Variants in ZMYM4 observed in about 807,000 individuals in gnomAD.
ZMYM4 encodes the protein zinc finger MYM-type protein 4.
Under a neutral mutation model 183.2 loss-of-function variants are expected in ZMYM4, and 31 were observed. The ratio of observed to expected loss-of-function variants is 0.17; its 90% CI spans 0.13 to 0.23. The LOEUF (loss-of-function observed/expected upper bound fraction) is 0.23. ZMYM4 is among the 10% of genes least tolerant of loss of function. The pLI, the probability that ZMYM4 is intolerant of heterozygous loss-of-function variation, is 1.00. For synonymous variants in ZMYM4, 592 were observed against 631.2 expected (o/e 0.94, Z 0.93); for missense variants, 1,273 against 1,840.3 (o/e 0.69, Z 5.64).
intron 1 of ZMYM4, among the ~76,000 whole-genome samples, chr1:35,282,358 C>T (rs911454024): frequency 2.0e-5 from 3 of 152,220 alleles, no homozygotes; most frequent in Admixed American, 6.5e-5. Flanking sequence ...ACATAGCCCT[C>T]ACCAAAAGCT....
chr1:35,389,820 TAAAGAC>T lies in ZMYM4; in HGVS notation c.2437-124_2437-119del, dbSNP rs1395652880. On this transcript the variant is annotated intron_variant, in intron 14 of 29. Transcript: ENST00000314607. The surrounding 1 kb of genome is among the most constrained non-coding windows in gnomAD (Gnocchi z 4.0). ...GTGTGTGTGTGTGTATAATCATTGA[TAAAGAC>T]AAACTAATTTTTTGATCTAAATTCT... 12 of 787,432 alleles carry T rather than the reference TAAAGAC, an allele frequency of 1.5e-5. No individual in the cohort carries two copies. The Admixed American group carries it at 2.6e-4, about 17-fold the overall frequency. 48.8% of individuals were successfully genotyped at this position (787,432 alleles called of 1,614,324 possible).
At chr1:35,362,635 T>C (rs1222722309) in intron 5 of ZMYM4, among the ~76,000 whole-genome samples, 1 of 152,202 alleles carries the variant, frequency 6.6e-6, no homozygotes, top group East Asian at 1.9e-4. Context: ...TCTTTCTGTT[T>C]ATATTAGAAG....
In ZMYM4 at chr1:35,363,913, A is replaced by G. The variant is rs112117298; in HGVS notation, c.840+2124A>G. On this transcript the variant is annotated intron_variant, in intron 5 of 29. Coordinates refer to ENST00000314607, the MANE Select transcript of ZMYM4 (RefSeq NM_005095.3). ...GTGGGCATGCTGGCAGGGTACCAAA[A>G]TCATCTCTTTCTTTTGTACTTGAAC... 9.2e-5 allele frequency among the ~76,000 whole-genome samples: 14 copies of G among 152,188 alleles called. 2 individuals carry two copies. The highest frequency in any genetic ancestry group is 2.6e-4 in the African/African-American group (11 of 41,512).
chr1:35,362,688 T>A (rs1643966269), intron 5 of ZMYM4, among the ~76,000 whole-genome samples: 1 of 152,128 alleles, frequency 6.6e-6, no homozygotes, highest in Non-Finnish European at 1.5e-5. Flanking sequence ...TTCTTTTTCT[T>A]TTCTTTCTTT....
Position 35,276,244 on chromosome 1 carries a change from GTCCC to G in ZMYM4, c.39+7175_39+7178del, listed in dbSNP as rs879286193. Among the ~76,000 whole-genome samples the G allele has an allele frequency of 1.4e-3, 209 of 147,876 alleles. 3 individuals are homozygous for G. The highest frequency in any genetic ancestry group is 4.0e-3 in the African/African-American group (160 of 40,028). ...CTGTCTCATCTAACTACTCATTTCT[GTCCC>G]TCCCTCCCTCCCTCCTTCCCTCCCT... On this transcript the variant is annotated intron_variant, in intron 1 of 29. Coordinates refer to ENST00000314607, the MANE Select transcript of ZMYM4 (RefSeq NM_005095.3).
At chr1:35,320,150 T>G (rs1221387683) in intron 1 of ZMYM4, among the ~76,000 whole-genome samples, 2 of 152,202 alleles carry the variant, frequency 1.3e-5, no homozygotes, top group Non-Finnish European at 2.9e-5. Flanking sequence ...GTGTGGATTG[T>G]GTACTAATGA....
chr1:35,303,494 C>T lies in ZMYM4; in HGVS notation c.40-21866C>T, dbSNP rs574083512. 1.1e-4 allele frequency among the ~76,000 whole-genome samples: 16 copies of T among 152,140 alleles called. No individual in the cohort carries two copies. In the South Asian group the frequency reaches 2.3e-3, roughly 22 times the overall value. On this transcript the variant is annotated intron_variant, in intron 1 of 29. Coordinates refer to ENST00000314607, the MANE Select transcript of ZMYM4 (RefSeq NM_005095.3). The stretch of plus-strand genomic sequence containing the variant: ...AATATCGGCTCACTGCAACCTCCGC[C>T]GTCTGGGTTCAAGCGATTCTCCTGC...
chr1:35,400,871 G>A (rs994789568), intron 23 of ZMYM4, among the ~76,000 whole-genome samples: 5 of 152,196 alleles, frequency 3.3e-5, no homozygotes, highest in African/African-American at 7.2e-5. Context: ...ATAATATGTA[G>A]TCTTCTGTGT....
At chr1:35,358,772 C>G in intron 2 of ZMYM4, 153 bp from the exon 3 acceptor site, 1 of 645,536 alleles carries the variant, frequency 1.5e-6, no homozygotes, top group Non-Finnish European at 2.5e-6. Context: ...ATAGTTATAT[C>G]TGTCACACCT....
intron 16 of ZMYM4, 70 bp downstream of exon 16, chr1:35,392,422 C>A: frequency 1.3e-6 from 2 of 1,537,676 alleles, no homozygotes; most frequent in South Asian, 1.2e-5. Flanking sequence ...AACTTCCTTT[C>A]ATCAGGGATT....
rs557246067 is a variant in ZMYM4, at chr1:35,293,193, C to T, written c.39+24108C>T. On this transcript the variant is annotated intron_variant, in intron 1 of 29. Transcript: ENST00000314607. ...TTTTTTTTTCTATTTGTTGTAGAGA[C>T]AGGGTCTTCCTATGTTACTTAGGCT... 4.6e-5 allele frequency among the ~76,000 whole-genome samples: 7 copies of T among 151,744 alleles called. No individual in the cohort carries two copies. The South Asian group carries it at 1.5e-3, about 32-fold the overall frequency.
At chr1:35,278,624 A>G (rs1333595288) in intron 1 of ZMYM4, among the ~76,000 whole-genome samples, 1 of 151,876 alleles carries the variant, frequency 6.6e-6, no homozygotes, top group Non-Finnish European at 1.5e-5. Flanking sequence ...ACGGGGTTTC[A>G]CTATGTTAGG....
At position 35,419,757 on chromosome 1, in the gene ZMYM4, ATAAGTC is replaced by A. The variant is rs1244130677; in HGVS notation, c.*87_*92del. On this transcript the variant is annotated 3_prime_UTR_variant, in exon 30 of 30. Transcript: ENST00000314607. The stretch of plus-strand genomic sequence containing the variant: ...GCATCCAGCTGTTGGAAAATGATGT[ATAAGTC>A]TAAGTCCTCTTGACTTGACCATAAG... The A allele has an allele frequency of 6.3e-6, 9 of 1,438,480 alleles. No homozygotes were observed. Among genetic ancestry groups the A allele is most frequent in the Non-Finnish European group, 8.7e-6 (9 of 1,039,244 alleles). The allele number at this position is 1,438,480 out of a possible 1,614,324, so 89.1% of individuals were successfully genotyped here. A position where few individuals can be genotyped will look rare whatever the true frequency, so the allele number is the denominator to read the frequency against.
intron 1 of ZMYM4, among the ~76,000 whole-genome samples, chr1:35,323,661 T>G (rs918609348): frequency 1.3e-5 from 2 of 152,034 alleles, no homozygotes; most frequent in African/African-American, 4.8e-5. Context: ...CTCCTCATTC[T>G]CCTGCCTCAG....
Position 35,396,602 on chromosome 1 carries a change from G to A in ZMYM4, c.2962G>A (p.Val988Met), listed in dbSNP as rs1558164909. 9.9e-6 allele frequency: 16 copies of A among 1,613,864 alleles called. No homozygotes were observed. The highest frequency in any genetic ancestry group is 1.3e-5 in the African/African-American group (1 of 75,024). The change falls in exon 19 of 30, where the codon GTG becomes ATG. Residue 988 changes from valine to methionine, a missense_variant. Physicochemically the swap from Val to Met is conservative, Grantham distance 21. Around this residue, in one of 6 missense-constraint regions of ZMYM4, gnomAD observed 290 missense variants for 353.3 expected, o/e 0.82. Transcript: ENST00000314607. Reference sequence around the variant, plus strand: ...TATTGTGGTGCCAGTTCCCGTACCAGTGTTTGTTCCCATACCTCTTCACCT... The same window carrying A: ...TATTGTGGTGCCAGTTCCCGTACCAATGTTTGTTCCCATACCTCTTCACCT... Reference protein sequence around the residue: ...QIIVVPVPVPVFVPIPLHLYT... With the variant: ...QIIVVPVPVPMFVPIPLHLYT...
At chr1:35,350,428 A>G (rs1194319121) in intron 2 of ZMYM4, among the ~76,000 whole-genome samples, 1 of 152,094 alleles carries the variant, frequency 6.6e-6, no homozygotes, top group East Asian at 1.9e-4. Flanking sequence ...AGCTGGGATT[A>G]AAGGCATGTG....
chr1:35,355,168 G>A (rs904660043), intron 2 of ZMYM4, among the ~76,000 whole-genome samples: 11 of 150,592 alleles, frequency 7.3e-5, no homozygotes, highest in African/African-American at 2.7e-4. Context: ...CGAGTAGCTG[G>A]GACTACAGGT....
chr1:35,318,043 G>A (rs1642124117), intron 1 of ZMYM4, among the ~76,000 whole-genome samples: 2 of 151,256 alleles, frequency 1.3e-5, no homozygotes, highest in African/African-American at 4.9e-5. Flanking sequence ...AATTTAGAAG[G>A]GATTATGGCA....
chr1:35,326,852 G>A (rs1478594123), intron 2 of ZMYM4, among the ~76,000 whole-genome samples: 2 of 152,112 alleles, frequency 1.3e-5, no homozygotes, highest in African/African-American at 4.8e-5. Flanking sequence ...CCCTGGCTTG[G>A]AGTCATTTTT....
Sources: gnomAD v4.1 joint callset for allele counts (sites outside exome capture counted in the v4.1 genomes callset) on GRCh38, gnomAD v4.1.1 for gene constraint, gnomAD v4.1.1 regional missense constraint, Gnocchi (gnomAD v3.1) non-coding constraint, MANE v1.5 for transcripts, NCBI Gene and HGNC (gene_info 2026-07-23, HGNC 2026-07-21) for gene names.